CLEC16A: variants seen among roughly 807,000 people sequenced by gnomAD.
The protein encoded by CLEC16A is C-type lectin domain containing 16A.
A neutral mutation model predicts 109.5 loss-of-function variants in CLEC16A; 51 were observed. The ratio of observed to expected loss-of-function variants is 0.47; its 90% confidence interval spans 0.37 to 0.59. The LOEUF is 0.59. Among genes scored for constraint, CLEC16A ranks in the 20% least tolerant of loss-of-function variants. The probability of loss-of-function intolerance (pLI) is 0.00; values close to 1 mark genes in which losing one functional copy is unlikely to be tolerated. For synonymous variants in CLEC16A, 673 were observed against 564.2 expected (o/e 1.19, Z -2.73); for missense variants, 1,339 against 1,394.0 (o/e 0.96, Z 0.63).
intron 22 of CLEC16A, among the ~76,000 whole-genome samples, chr16:11,156,917 G>GCCCCCCCCCCCCCCCCCC: frequency 1.3e-5 from 1 of 77,370 alleles, no homozygotes; most frequent in African/African-American, 4.8e-5. Context: ...CCAAATGCCC[G>GCCCCCCCCCCCCCCCCCC]CCCCCCCCCC....
chr16:10,991,444 A>AT (rs1321907363), intron 10 of CLEC16A, among the ~76,000 whole-genome samples: 1 of 151,234 alleles, frequency 6.6e-6, no homozygotes, highest in Non-Finnish European at 1.5e-5. Context: ...AAAAAAAAAA[A>AT]AAAGAACAGC....
At chr16:11,123,154 G>A (rs1056723720) in intron 20 of CLEC16A, among the ~76,000 whole-genome samples, 2 of 151,882 alleles carry the variant, frequency 1.3e-5, no homozygotes, top group African/African-American at 4.8e-5. Flanking sequence ...CACCCACTTC[G>A]GCCTCCCAAA....
intron 22 of CLEC16A, among the ~76,000 whole-genome samples, chr16:11,148,023 T>C (rs2054139981): frequency 6.6e-6 from 1 of 152,238 alleles, no homozygotes; most frequent in Admixed American, 6.5e-5. Context: ...TCCTGTTTCC[T>C]TTTCTTTCCT....
chr16:11,113,161 G>A (rs1455589896), intron 19 of CLEC16A, among the ~76,000 whole-genome samples: 2 of 152,182 alleles, frequency 1.3e-5, no homozygotes, highest in East Asian at 1.9e-4. Flanking sequence ...TTGGCTTCAC[G>A]CCATCACCTG....
rs2041912030 is a variant in CLEC16A, at chr16:10,954,831, A to T, written c.81-2951A>T. On this transcript the variant is annotated intron_variant, in intron 1 of 23. Transcript: ENST00000409790. This position sits in a 1 kb window ranked among gnomAD's most constrained non-coding sequence, Gnocchi z 4.2. ...CCTGAAGCCCTCTTTCCCTGTTTGA[A>T]TCTAGCCTGATCTCTTTTCTACCTT... Among the ~76,000 whole-genome samples, 1 of 152,134 alleles carries T rather than the reference A, an allele frequency of 6.6e-6. No individual in the cohort carries two copies. The highest frequency in any genetic ancestry group is 2.4e-5 in the African/African-American group (1 of 41,416).
At chr16:11,050,693 C>T (rs890751294) in intron 17 of CLEC16A, among the ~76,000 whole-genome samples, 6 of 152,244 alleles carry the variant, frequency 3.9e-5, no homozygotes, top group Admixed American at 3.9e-4. Context: ...GCCGTCAGCT[C>T]TGGCCCAGTG....
chr16:11,039,191 AT>A (rs2047184934), intron 13 of CLEC16A, among the ~76,000 whole-genome samples: 2 of 152,096 alleles, frequency 1.3e-5, no homozygotes, highest in Non-Finnish European at 2.9e-5. Context: ...GAATGCCACC[AT>A]TTGGGGCTAG....
intron 19 of CLEC16A, among the ~76,000 whole-genome samples, chr16:11,094,606 G>C (rs537374323): frequency 6.6e-6 from 1 of 152,240 alleles, no homozygotes; most frequent in Non-Finnish European, 1.5e-5. Flanking sequence ...AACTGACCTT[G>C]TGTGTCTCTT....
At position 11,178,639 on chromosome 16, in the gene CLEC16A, C is replaced by T. The variant is rs1567426784; in HGVS notation, c.3111C>T (p.Pro1037=). The T allele has an allele frequency of 5.7e-6, 9 of 1,583,256 alleles. No individual in the cohort carries two copies. Among genetic ancestry groups the T allele is most frequent in the Non-Finnish European group, 6.8e-6 (8 of 1,169,334 alleles). Residue 1037 remains proline, a synonymous_variant, in exon 24 of 24, where the codon CCC becomes CCT. Coordinates refer to ENST00000409790, the MANE Select transcript of CLEC16A (RefSeq NM_015226.3). This position sits in a 1 kb window ranked among gnomAD's most constrained non-coding sequence, Gnocchi z 6.5. ...LSTPAAACTE[P]VGEEAACAEP... is the part of the protein sequence containing the mutation. ...CGCCGGCTGCCGCCTGCACAGAGCC[C>T]GTGGGCGAAGAGGCTGCATGTGCTG...
At chr16:11,083,953 G>A (rs2049873006) in intron 19 of CLEC16A, among the ~76,000 whole-genome samples, 1 of 152,274 alleles carries the variant, frequency 6.6e-6, no homozygotes, top group South Asian at 2.1e-4. Flanking sequence ...GAACCTGAGG[G>A]AACACAGCAC....
intron 10 of CLEC16A, among the ~76,000 whole-genome samples, chr16:10,985,536 G>T (rs1229359298): frequency 7.9e-6 from 1 of 127,180 alleles, no homozygotes; most frequent in Non-Finnish European, 1.7e-5. Flanking sequence ...GATGTACTGG[G>T]TCCCTCGGGA....
rs1449362374 is a variant in CLEC16A at position 11,166,475 on chromosome 16, G to A, written c.2729G>A (p.Gly910Asp). The change falls in exon 23 of 24, where the codon GGC becomes GAC. Residue 910 changes from glycine (G) to aspartate (D), a missense_variant. Physicochemically the swap from Gly to Asp is moderately conservative, Grantham distance 94. This residue lies in a region of CLEC16A where 1,061 missense variants were observed against 1,006.8 expected (regional missense o/e 1.05). Transcript: ENST00000409790. Reference protein sequence around the residue: ...SPPSASGSPSGSGSTSHCDSG... With the variant: ...SPPSASGSPSDSGSTSHCDSG... The stretch of plus-strand genomic sequence containing the variant: ...CCCTCCGCCAGCGGGAGCCCCAGCG[G>A]CAGCGGGAGCACCAGCCACTGCGAC... 1 of 1,608,224 alleles carries A rather than the reference G, an allele frequency of 6.2e-7. No individual in the cohort carries two copies. Among genetic ancestry groups the A allele is most frequent in the Non-Finnish European group, 8.5e-7 (1 of 1,179,694 alleles).
At chr16:11,109,780 C>A (rs576638827) in intron 19 of CLEC16A, among the ~76,000 whole-genome samples, 1 of 152,204 alleles carries the variant, frequency 6.6e-6, no homozygotes, top group Non-Finnish European at 1.5e-5. Flanking sequence ...ATCAGTGTTC[C>A]CTGTTCCTCA....
intron 18 of CLEC16A, among the ~76,000 whole-genome samples, chr16:11,058,713 T>G (rs2048334105): frequency 6.6e-6 from 1 of 152,206 alleles, no homozygotes; most frequent in Non-Finnish European, 1.5e-5. Context: ...TTCTGAACTT[T>G]TAAAGTATTT....
At chr16:11,158,492 T>C (rs1043471023) in intron 22 of CLEC16A, among the ~76,000 whole-genome samples, 3 of 152,202 alleles carry the variant, frequency 2.0e-5, no homozygotes, top group Non-Finnish European at 4.4e-5. Context: ...AAGAGGTCTA[T>C]TGAAAACTGG....
chr16:10,965,429 C>T (rs1283224280), intron 3 of CLEC16A, among the ~76,000 whole-genome samples: 3 of 152,206 alleles, frequency 2.0e-5, no homozygotes, highest in African/African-American at 7.2e-5. Context: ...TCAACCCTAA[C>T]GATCCATTGT....
At chr16:10,956,279 TA>T (rs1418317590) in intron 1 of CLEC16A, among the ~76,000 whole-genome samples, 3 of 152,338 alleles carry the variant, frequency 2.0e-5, no homozygotes, top group Middle Eastern at 3.4e-3. Context: ...TAACAAACAG[TA>T]TTCGTAAATA....
At chr16:10,993,455 A>C (rs1245003583) in intron 10 of CLEC16A, among the ~76,000 whole-genome samples, 5 of 152,166 alleles carry the variant, frequency 3.3e-5, no homozygotes, top group Non-Finnish European at 7.3e-5. Flanking sequence ...AAAGAGAGCG[A>C]GGTGGTGTTA....
chr16:11,008,963 C>T (rs1044879899), intron 11 of CLEC16A, among the ~76,000 whole-genome samples: 8 of 152,146 alleles, frequency 5.3e-5, no homozygotes, highest in Non-Finnish European at 1.0e-4. Flanking sequence ...CGCGCCACTG[C>T]ACTCCAGCCT....
Sources: gnomAD v4.1 joint callset for allele counts (sites outside exome capture counted in the v4.1 genomes callset) on GRCh38, gnomAD v4.1.1 for gene constraint, gnomAD v4.1.1 regional missense constraint, Gnocchi (gnomAD v3.1) non-coding constraint, MANE v1.5 for transcripts, NCBI Gene and HGNC (gene_info 2026-07-23, HGNC 2026-07-21) for gene names.